Variants in RBFOX1 observed in about 807,000 individuals in gnomAD.
RBFOX1 encodes RNA binding protein fox-1 homolog 1.
RBFOX1 carries 8 observed loss-of-function variants against 57.7 expected under a neutral mutation model. The observed-to-expected ratio is 0.14, with a 90% confidence interval of 0.08 to 0.25. The LOEUF (loss-of-function observed/expected upper bound fraction) is 0.25. Among genes scored for constraint, RBFOX1 ranks in the 10% least tolerant of loss-of-function variants. The pLI, the probability that RBFOX1 is intolerant of heterozygous loss-of-function variation, is 1.00. For synonymous variants in RBFOX1, 326 were observed against 222.4 expected, an observed-to-expected ratio of 1.47 and a Z score of -4.15; for missense variants, 611 against 548.5, an observed-to-expected ratio of 1.11 and a Z score of -1.14.
intron 2 of RBFOX1, chr16:6,573,878 C>G (rs1335932956): frequency 6.6e-6 from 1 of 152,240 alleles, no homozygotes; most frequent in Non-Finnish European, 1.5e-5. Flanking sequence ...GTTTTCCAGC[C>G]TGGACGTGAT....
intron 2 of RBFOX1, among the ~76,000 whole-genome samples, chr16:6,533,173 A>G (rs2096683840): frequency 6.6e-6 from 1 of 152,248 alleles, no homozygotes; most frequent in South Asian, 2.1e-4. Flanking sequence ...CCATGGAACT[A>G]GATGAGACCC....
At chr16:6,438,020 A>G (rs578235419) in intron 2 of RBFOX1, among the ~76,000 whole-genome samples, 53 of 152,294 alleles carry the variant, frequency 3.5e-4, no homozygotes, top group African/African-American at 1.2e-3. Flanking sequence ...GTGCCAGGAA[A>G]GAGTAGCTGG....
chr16:6,712,357 A>AATGT (rs1666492139), intron 3 of RBFOX1, among the ~76,000 whole-genome samples: 1 of 152,112 alleles, frequency 6.6e-6, no homozygotes, highest in African/African-American at 2.4e-5. Flanking sequence ...ACGTTGTTGA[A>AATGT]ATGTTACGTC....
chr16:6,061,404 A>C (rs2095684591), intron 1 of RBFOX1, among the ~76,000 whole-genome samples: 2 of 151,874 alleles, frequency 1.3e-5, no homozygotes, highest in African/African-American at 4.9e-5. Flanking sequence ...AATTTTCATT[A>C]TATGTCTATA....
At chr16:6,903,525 A>C (rs2068994501) in intron 3 of RBFOX1, among the ~76,000 whole-genome samples, 1 of 152,176 alleles carries the variant, frequency 6.6e-6, no homozygotes, top group Non-Finnish European at 1.5e-5. Flanking sequence ...TGGGGGAAGC[A>C]CTTCAATAGG....
chr16:6,713,572 G>T (rs1463994007), intron 3 of RBFOX1, among the ~76,000 whole-genome samples: 5 of 151,990 alleles, frequency 3.3e-5, no homozygotes, highest in Non-Finnish European at 7.4e-5. Context: ...AATCTCTCCA[G>T]ATATTTTCAA....
At chr16:6,678,856 G>C (rs896382272) in intron 3 of RBFOX1, among the ~76,000 whole-genome samples, 16 of 152,066 alleles carry the variant, frequency 1.1e-4, no homozygotes, top group African/African-American at 3.9e-4. Context: ...CTGGGTAGAT[G>C]GGTGGTTTAT....
chr16:5,578,597 C>T (rs954673043), intron 2 of RBFOX1, among the ~76,000 whole-genome samples: 1 of 152,168 alleles, frequency 6.6e-6, no homozygotes, highest in African/African-American at 2.4e-5. Context: ...TGACTCCTGG[C>T]ATGGGAGAAA....
At chr16:6,791,638 A>T (rs976395340) in intron 3 of RBFOX1, among the ~76,000 whole-genome samples, 1 of 152,178 alleles carries the variant, frequency 6.6e-6, no homozygotes, top group South Asian at 2.1e-4. Flanking sequence ...GCGTGCTTGT[A>T]GTCCCAGCTA....
chr16:5,407,665 C>T (rs1311412687), intron 1 of RBFOX1, among the ~76,000 whole-genome samples: 1 of 152,198 alleles, frequency 6.6e-6, no homozygotes, highest in African/African-American at 2.4e-5. Context: ...TATCCTGCCT[C>T]AGCCTCCTGA....
intron 1 of RBFOX1, among the ~76,000 whole-genome samples, chr16:6,190,023 A>G (rs963882908): frequency 2.0e-5 from 3 of 152,146 alleles, no homozygotes; most frequent in African/African-American, 7.2e-5. Flanking sequence ...AGTGAAAGAG[A>G]TAAACATTTT....
intron 2 of RBFOX1, among the ~76,000 whole-genome samples, chr16:6,586,672 T>C (rs913860483): frequency 5.3e-5 from 8 of 152,158 alleles, no homozygotes; most frequent in Non-Finnish European, 8.8e-5. Flanking sequence ...AGTGGCAAGA[T>C]GGCTTCCAGC....
chr16:7,096,520 A>G (rs942411214), intron 4 of RBFOX1, among the ~76,000 whole-genome samples: 5 of 152,046 alleles, frequency 3.3e-5, no homozygotes, highest in Non-Finnish European at 4.4e-5. Context: ...TTTGAGGCCA[A>G]TTTTCTTGCA....
chr16:5,357,648 G>T (rs779914513), intron 1 of RBFOX1, among the ~76,000 whole-genome samples: 12 of 152,152 alleles, frequency 7.9e-5, no homozygotes, highest in Non-Finnish European at 5.9e-5. Context: ...GATGCTTCTG[G>T]ATCATGAACC....
intron 1 of RBFOX1, among the ~76,000 whole-genome samples, chr16:6,284,786 G>A (rs1235911739): frequency 6.6e-6 from 1 of 152,108 alleles, no homozygotes; most frequent in African/African-American, 2.4e-5. Flanking sequence ...CAGCTAGGTG[G>A]TTTATGCTAG....
At chr16:6,315,678 T>G (rs1190766438) in intron 1 of RBFOX1, among the ~76,000 whole-genome samples, 1 of 152,132 alleles carries the variant, frequency 6.6e-6, no homozygotes, top group African/African-American at 2.4e-5. Context: ...TGAAAGAAAT[T>G]GAAAACATCA....
intron 1 of RBFOX1, among the ~76,000 whole-genome samples, chr16:6,227,349 G>C: frequency 6.6e-6 from 1 of 152,042 alleles, no homozygotes; most frequent in Non-Finnish European, 1.5e-5. Context: ...GCAGGCTTTG[G>C]GACCACATTT....
rs1028287520 is a variant in RBFOX1 at position 6,817,682 on chromosome 16, G to A, written c.-16+163032G>A. On this transcript the variant is annotated intron_variant, in intron 3 of 15. Transcript: ENST00000550418. The stretch of plus-strand genomic sequence containing the variant: ...TGCACCACTGCACTCCAGCCTGGGC[G>A]ACAGAGCCAAACTCTGTCTCAAAGA... Among the ~76,000 whole-genome samples the A allele has an allele frequency of 9.2e-5, 14 of 151,382 alleles. 1 individual carries two copies. Among genetic ancestry groups the A allele is most frequent in the Admixed American group, 5.3e-4 (8 of 15,176 alleles).
At chr16:7,624,173 C>A (rs1245844861) in intron 10 of RBFOX1, among the ~76,000 whole-genome samples, 1 of 152,094 alleles carries the variant, frequency 6.6e-6, no homozygotes, top group African/African-American at 2.4e-5. Flanking sequence ...TATGGAGGGA[C>A]AAATGCAAAG....
Sources: gnomAD v4.1 joint callset for allele counts (sites outside exome capture counted in the v4.1 genomes callset) on GRCh38, gnomAD v4.1.1 for gene constraint, MANE v1.5 for transcripts, NCBI Gene and HGNC (gene_info 2026-07-23, HGNC 2026-07-21) for gene names.